STIM1: variants seen among roughly 807,000 people sequenced by gnomAD.
STIM1 encodes the protein stromal interaction molecule 1.
Under a neutral mutation model 74.7 loss-of-function variants are expected in STIM1, and 25 were observed. The ratio of observed to expected loss-of-function variants is 0.33; its 90% CI spans 0.24 to 0.47. The LOEUF is 0.47. Among genes scored for constraint, STIM1 ranks in the 20% least tolerant of loss-of-function variants. The pLI is 1.00. For synonymous variants in STIM1, 328 were observed against 348.8 expected (o/e 0.94, Z 0.66); for missense variants, 728 against 920.8 (o/e 0.79, Z 2.71).
chr11:4,086,844 G>A (rs2094496838), intron 12 of STIM1: 5 of 1,533,914 alleles, frequency 3.3e-6, no homozygotes. Flanking sequence ...TGATGCCTGG[G>A]CATTCAGAGA....
At chr11:4,089,908 CAGA>C (rs1443412905) in intron 12 of STIM1, among the ~76,000 whole-genome samples, 1 of 152,158 alleles carries the variant, frequency 6.6e-6, no homozygotes, top group Non-Finnish European at 1.5e-5. Flanking sequence ...TCTAGGAAGG[CAGA>C]AGGAGGATTC....
intron 5 of STIM1, among the ~76,000 whole-genome samples, chr11:4,059,667 C>G (rs1203387373): frequency 1.3e-5 from 2 of 152,156 alleles, no homozygotes; most frequent in Admixed American, 6.5e-5. Flanking sequence ...ATGTTCTGCC[C>G]TGAAGGGACA....
At chr11:4,047,820 CTTT>C (rs551025610) in intron 3 of STIM1, among the ~76,000 whole-genome samples, 1 of 133,074 alleles carries the variant, frequency 7.5e-6, no homozygotes. Flanking sequence ...ACCTGTCTCT[CTTT>C]TTTTTTTTTT....
At chr11:3,941,063 G>T (rs1015477088) in intron 1 of STIM1, among the ~76,000 whole-genome samples, 27 of 152,176 alleles carry the variant, frequency 1.8e-4, no homozygotes, top group Admixed American at 8.5e-4. Context: ...TCATAGGGTT[G>T]TTGTGAGGAT....
At chr11:3,986,966 C>A in intron 2 of STIM1, among the ~76,000 whole-genome samples, 1 of 152,218 alleles carries the variant, frequency 6.6e-6, no homozygotes, top group Non-Finnish European at 1.5e-5. Context: ...TTGGCACTGG[C>A]TTGATGAGAG....
At chr11:3,879,700 A>G (rs1001225835) in intron 1 of STIM1, among the ~76,000 whole-genome samples, 1 of 152,190 alleles carries the variant, frequency 6.6e-6, no homozygotes, top group Non-Finnish European at 1.5e-5. Context: ...CAGAAACTAT[A>G]TCTCAGGTTT....
chr11:4,066,241 T>C (rs2094364330), intron 5 of STIM1, among the ~76,000 whole-genome samples: 1 of 152,220 alleles, frequency 6.6e-6, no homozygotes, highest in African/African-American at 2.4e-5. Flanking sequence ...CCATGGTTAC[T>C]CTGCCCTGGC....
intron 4 of STIM1, chr11:4,058,700 A>G (rs943911241): frequency 1.4e-6 from 1 of 711,490 alleles, no homozygotes; most frequent in African/African-American, 1.9e-5. Context: ...CAGTAATTTT[A>G]TTGGAGGTAA....
At chr11:4,084,807 C>G in intron 11 of STIM1, 42 bp downstream of exon 11, 2 of 1,282,240 alleles carry the variant, frequency 1.6e-6, no homozygotes, top group South Asian at 1.2e-5. Flanking sequence ...TTCTGACTTT[C>G]GGGACTAAAT....
At chr11:3,878,387 C>T (rs1380211379) in intron 1 of STIM1, among the ~76,000 whole-genome samples, 1 of 151,912 alleles carries the variant, frequency 6.6e-6, no homozygotes, top group Non-Finnish European at 1.5e-5. Flanking sequence ...AGCAACTTAC[C>T]CAAGGTCACA....
intron 3 of STIM1, among the ~76,000 whole-genome samples, chr11:4,024,833 G>A (rs2093985938): frequency 6.6e-6 from 1 of 152,092 alleles, no homozygotes; most frequent in Non-Finnish European, 1.5e-5. Context: ...CTTAGTGAAA[G>A]AGCATGTCTA....
At chr11:3,934,562 C>T (rs1311624712) in intron 1 of STIM1, among the ~76,000 whole-genome samples, 1 of 152,186 alleles carries the variant, frequency 6.6e-6, no homozygotes, top group Non-Finnish European at 1.5e-5. Flanking sequence ...AGTTTCACCT[C>T]TCTTTAGCAA....
At chr11:3,857,220 TATACTTTTGCAGTAGAAAGGAA>T (rs2090420745) in intron 1 of STIM1, among the ~76,000 whole-genome samples, 1 of 150,122 alleles carries the variant, frequency 6.7e-6, no homozygotes, top group Non-Finnish European at 1.5e-5. Flanking sequence ...GGAGCCCTGG[TATACTTTTGCAGTAGAAAGGAA>T]CACTTTTATG....
At chr11:3,903,289 A>T (rs995255864) in intron 1 of STIM1, among the ~76,000 whole-genome samples, 1 of 152,192 alleles carries the variant, frequency 6.6e-6, no homozygotes, top group African/African-American at 2.4e-5. Context: ...GTTTTAAGCA[A>T]TGAGAAGTCA....
chr11:4,086,445 C>G (rs1337261366), intron 11 of STIM1, 32 bp from the exon 12 acceptor site: 1 of 1,611,948 alleles, frequency 6.2e-7, no homozygotes, highest in East Asian at 2.2e-5. Context: ...GTGGGCTGGC[C>G]CCTCCTGACA....
intron 1 of STIM1, among the ~76,000 whole-genome samples, chr11:3,955,075 A>G (rs2093194827): frequency 6.6e-6 from 1 of 152,256 alleles, no homozygotes; most frequent in Non-Finnish European, 1.5e-5. Context: ...TTCATGTGAC[A>G]ACATGGTTGA....
chr11:3,949,251 G>A (rs2093116529), intron 1 of STIM1, among the ~76,000 whole-genome samples: 1 of 152,198 alleles, frequency 6.6e-6, no homozygotes, highest in South Asian at 2.1e-4. Context: ...AATTAGTCAG[G>A]TGCAGAATGG....
At chr11:3,920,637 G>C (rs2092705859) in intron 1 of STIM1, among the ~76,000 whole-genome samples, 1 of 152,088 alleles carries the variant, frequency 6.6e-6, no homozygotes, top group African/African-American at 2.4e-5. Flanking sequence ...CTGGATACTT[G>C]ACCTGTTGAA....
rs1241825997 is a variant in STIM1, at chr11:3,895,872, TTTTCTTTTC to T, written c.139+39480_139+39488del. On this transcript the variant is annotated intron_variant, in intron 1 of 12. Coordinates refer to ENST00000526596, the MANE Select transcript of STIM1 (RefSeq NM_001382567.1). ...CTTTCTTTCTCTCTCTCTCTCTTTC[TTTTCTTTTC>T]TTTCTTTTCTTTCTTTCTTTCTTTC... 5.2e-3 allele frequency among the ~76,000 whole-genome samples: 720 copies of T among 138,772 alleles called. 40 individuals are homozygous for T. The highest frequency in any genetic ancestry group is 0.018 in the African/African-American group (633 of 34,472). 91.0% of individuals were successfully genotyped at this position (138,772 alleles called of 152,430 possible).
Sources: gnomAD v4.1 joint callset for allele counts (sites outside exome capture counted in the v4.1 genomes callset) on GRCh38, gnomAD v4.1.1 for gene constraint, MANE v1.5 for transcripts, NCBI Gene and HGNC (gene_info 2026-07-23, HGNC 2026-07-21) for gene names.